SYNPO2: variants seen among roughly 807,000 people sequenced by gnomAD.
SYNPO2 encodes the protein synaptopodin 2.
SYNPO2 carries 56 observed loss-of-function variants against 85.0 expected under a neutral mutation model. That is an observed-to-expected ratio of 0.66 (90% CI 0.53 to 0.82). The LOEUF is 0.82. SYNPO2 is among the 40% of genes least tolerant of loss of function. The pLI is 0.00. For synonymous variants in SYNPO2, 602 were observed against 591.1 expected (o/e 1.02, Z -0.27); for missense variants, 1,575 against 1,534.2 (o/e 1.03, Z -0.44).
At chr4:118,870,621 C>T (rs1731783835) in intron 1 of SYNPO2, among the ~76,000 whole-genome samples, 1 of 152,186 alleles carries the variant, frequency 6.6e-6, no homozygotes, top group Non-Finnish European at 1.5e-5. Context: ...ACACTTTCTT[C>T]CACAATGGTT....
chr4:118,855,935 A>G (rs1731497227), intron 1 of SYNPO2, among the ~76,000 whole-genome samples: 1 of 152,094 alleles, frequency 6.6e-6, no homozygotes. Context: ...TTCTGTCTAT[A>G]AAATCCAGCT....
intron 4 of SYNPO2, chr4:119,034,134 G>C (rs1026656635): frequency 1.0e-6 from 1 of 985,284 alleles, no homozygotes; most frequent in Admixed American, 6.1e-5. Flanking sequence ...CCCTGCAAAG[G>C]AAATCTGTTG....
chr4:118,982,882 G>A (rs1321242584), intron 1 of SYNPO2, among the ~76,000 whole-genome samples: 1 of 152,138 alleles, frequency 6.6e-6, no homozygotes, highest in Non-Finnish European at 1.5e-5. Context: ...TTAATGTTAA[G>A]CACAGTTCTT....
intron 2 of SYNPO2, among the ~76,000 whole-genome samples, 162 bp downstream of exon 2, chr4:119,023,743 C>G (rs1737830583): frequency 6.6e-6 from 1 of 152,152 alleles, no homozygotes; most frequent in Non-Finnish European, 1.5e-5. Flanking sequence ...GAAAAATAGT[C>G]AATTCTAGTC....
Position 119,031,029 on chromosome 4 carries a change from A to G in SYNPO2, c.2254A>G (p.Lys752Glu), listed in dbSNP as rs1738225995. The change falls in exon 4 of 5, where the codon AAA becomes GAA. Residue 752 changes from lysine to glutamate, a missense_variant. Physicochemically the swap from Lys to Glu is moderately conservative, Grantham distance 56. Coordinates refer to ENST00000307142, the MANE Select transcript of SYNPO2 (RefSeq NM_133477.3). ...TAATTTCATGCAAAGCTCCTCTGCC[A>G]AACAAAAGACCCCTCCTCCTGTTGC... The part of the protein sequence containing the change: ...ACNFMQSSSA[K>E]QKTPPPVAPK... 1 of 1,614,068 alleles carries G rather than the reference A, an allele frequency of 6.2e-7. No individual in the cohort carries two copies. The highest frequency in any genetic ancestry group is 8.5e-7 in the Non-Finnish European group (1 of 1,180,016).
chr4:118,918,857 T>C (rs1733441809), intron 1 of SYNPO2, among the ~76,000 whole-genome samples: 2 of 152,298 alleles, frequency 1.3e-5, no homozygotes, highest in African/African-American at 2.4e-5. Context: ...TCATCAAGTA[T>C]TTTGAAGGTA....
intron 1 of SYNPO2, among the ~76,000 whole-genome samples, chr4:118,893,785 A>G (rs770829390): frequency 2.6e-5 from 4 of 152,096 alleles, no homozygotes; most frequent in Non-Finnish European, 4.4e-5. Flanking sequence ...CTGATGTTCT[A>G]CTGCACAGCA....
rs771083560 is a variant in SYNPO2 at position 119,057,915 on chromosome 4, G to T, written c.3767G>T (p.Gly1256Val). Residue 1256 changes from glycine to valine, a missense_variant, in exon 5 of 5, where the codon GGA becomes GTA. Physicochemically the swap from Gly to Val is moderately radical, Grantham distance 109 (BLOSUM62 -3). Around this residue, in one of 3 missense-constraint regions of SYNPO2, gnomAD observed 1,508 missense variants for 1,446.8 expected, o/e 1.04. Coordinates refer to ENST00000307142, the MANE Select transcript of SYNPO2 (RefSeq NM_133477.3). ...ADYNYNPHPR[G>V]WRRQT The stretch of plus-strand genomic sequence containing the variant: ...TACAACTACAACCCACACCCAAGGG[G>T]ATGGAGACGCCAAACATGAAAGTTA... 3 of 1,611,218 alleles carry T rather than the reference G, an allele frequency of 1.9e-6. No homozygotes were observed. The Admixed American group carries it at 5.0e-5, about 27-fold the overall frequency.
intron 1 of SYNPO2, among the ~76,000 whole-genome samples, chr4:119,020,159 A>G (rs1737664201): frequency 1.3e-5 from 2 of 152,168 alleles, no homozygotes; most frequent in Admixed American, 6.5e-5. Context: ...AGTTCTATAA[A>G]AAATGGAGAA....
chr4:119,058,111 T>TAC lies in SYNPO2; in HGVS notation c.*195_*196dup, dbSNP rs113611459. On this transcript the variant is annotated 3_prime_UTR_variant, in exon 5 of 5. Transcript: ENST00000307142. ...GTGTGTGTGTGTATGTATGTGAATATACACACACACACACACACAGGTGAG... is the reference window on the plus strand; with the variant it reads ...GTGTGTGTGTGTATGTATGTGAATATACACACACACACACACACACAGGTGAG... 1,685 of 442,206 alleles carry TAC rather than the reference T, an allele frequency of 3.8e-3. 2 individuals carry two copies. Among genetic ancestry groups the TAC allele is most frequent in the East Asian group, 6.4e-3 (157 of 24,722 alleles). The allele number at this position is 442,206 out of a possible 1,614,324, so 27.4% of individuals were successfully genotyped here. A position where few individuals can be genotyped will look rare whatever the true frequency, so the allele number is the denominator to read the frequency against.
intron 1 of SYNPO2, among the ~76,000 whole-genome samples, chr4:118,899,614 T>A (rs919895264): frequency 2.1e-4 from 32 of 152,262 alleles, no homozygotes; most frequent in Non-Finnish European, 4.1e-4. Flanking sequence ...TTTTTCATTT[T>A]CGTCAATAAA....
At chr4:118,967,168 G>C (rs1021893392) in intron 1 of SYNPO2, among the ~76,000 whole-genome samples, 1 of 152,134 alleles carries the variant, frequency 6.6e-6, no homozygotes, top group Non-Finnish European at 1.5e-5. Context: ...CTCAGCTACT[G>C]AGTTAATTTC....
chr4:118,870,875 A>T (rs1731787273), intron 1 of SYNPO2, among the ~76,000 whole-genome samples: 1 of 152,226 alleles, frequency 6.6e-6, no homozygotes, highest in Admixed American at 6.5e-5. Flanking sequence ...CATCCTGCAT[A>T]TGTATCCCAA....
intron 1 of SYNPO2, among the ~76,000 whole-genome samples, chr4:119,022,369 G>A (rs976555708): frequency 6.6e-6 from 1 of 152,014 alleles, no homozygotes; most frequent in African/African-American, 2.4e-5. Flanking sequence ...GTCTTGCTCT[G>A]TCCCCCAGGC....
At chr4:118,984,416 C>T (rs772174380) in intron 1 of SYNPO2, among the ~76,000 whole-genome samples, 11 of 152,206 alleles carry the variant, frequency 7.2e-5, no homozygotes, top group Non-Finnish European at 1.6e-4. Flanking sequence ...AAATCCTACA[C>T]ACATTGCCTT....
intron 1 of SYNPO2, among the ~76,000 whole-genome samples, chr4:118,933,149 G>C (rs1477122528): frequency 5.9e-5 from 9 of 152,162 alleles, no homozygotes; most frequent in African/African-American, 2.2e-4. Flanking sequence ...AAAGCCTTAA[G>C]TTTCCTTTAC....
intron 1 of SYNPO2, among the ~76,000 whole-genome samples, chr4:118,994,045 A>AG (rs1174319278): frequency 6.6e-6 from 1 of 152,154 alleles, no homozygotes; most frequent in African/African-American, 2.4e-5. Flanking sequence ...TGGTTCTTCT[A>AG]GGGGGCCTCT....
At position 118,923,934 on chromosome 4, in the gene SYNPO2, T is replaced by C. The variant is rs149459523; in HGVS notation, c.105+34793T>C. 6.4e-4 allele frequency among the ~76,000 whole-genome samples: 97 copies of C among 152,064 alleles called. 1 individual carries two copies. In the East Asian group the frequency reaches 0.017, roughly 26 times the overall value. On this transcript the variant is annotated intron_variant, in intron 1 of 4. Coordinates refer to ENST00000307142, the MANE Select transcript of SYNPO2 (RefSeq NM_133477.3). ...TGAGTTCATGTGGCAACATGTTTTT[T>C]AAGAAAGTCTTGAATGAATTGTTAT...
At chr4:118,887,890 C>T (rs1325699511), upstream of SYNPO2, among the ~76,000 whole-genome samples, 2 of 152,122 alleles carry the variant, frequency 1.3e-5, no homozygotes, top group African/African-American at 4.8e-5. Flanking sequence ...TTCCCAGGCT[C>T]TTCCTTATTT....
Sources: gnomAD v4.1 joint callset for allele counts (sites outside exome capture counted in the v4.1 genomes callset) on GRCh38, gnomAD v4.1.1 for gene constraint, gnomAD v4.1.1 regional missense constraint, MANE v1.5 for transcripts, NCBI Gene and HGNC (gene_info 2026-07-23, HGNC 2026-07-21) for gene names.